Variants in DLGAP2 observed in about 807,000 individuals in gnomAD.
DLGAP2 encodes disks large-associated protein 2.
DLGAP2 carries 26 observed loss-of-function variants against 100.3 expected under a neutral mutation model. The observed-to-expected ratio is 0.26, with a 90% CI of 0.19 to 0.36. DLGAP2 has a LOEUF of 0.36. Ranked by LOEUF, DLGAP2 falls within the 10% of genes least tolerant of loss-of-function variation. The pLI, the probability that DLGAP2 is intolerant of heterozygous loss-of-function variation, is 1.00. For synonymous variants in DLGAP2, 886 were observed against 630.1 expected, an observed-to-expected ratio of 1.41 and a Z score of -6.08; for missense variants, 1,858 against 1,453.2, an observed-to-expected ratio of 1.28 and a Z score of -4.53.
chr8:1,287,501 T>TG (rs1799959490), intron 3 of DLGAP2, among the ~76,000 whole-genome samples: 11,171 of 52,530 alleles, frequency 0.21, 1,768 homozygotes, highest in Admixed American at 0.28. Flanking sequence ...TGTGTGGTTC[T>TG]GTTAGGAGGG....
intron 2 of DLGAP2, among the ~76,000 whole-genome samples, chr8:1,156,400 C>T (rs1004668820): frequency 6.6e-6 from 1 of 152,200 alleles, no homozygotes; most frequent in African/African-American, 2.4e-5. Context: ...CTGGGTCTGG[C>T]CGTGGGCCGT....
intron 3 of DLGAP2, among the ~76,000 whole-genome samples, chr8:1,385,511 G>A (rs111824415): frequency 3.8e-5 from 1 of 26,504 alleles, no homozygotes; most frequent in Non-Finnish European, 6.9e-5. Flanking sequence ...GCCTGTGCCC[G>A]TCCCCTGAGA....
intron 3 of DLGAP2, among the ~76,000 whole-genome samples, chr8:1,323,137 C>T (rs1323908340): frequency 6.6e-6 from 1 of 151,648 alleles, no homozygotes; most frequent in South Asian, 2.1e-4. Context: ...TCAAGCAATT[C>T]TCCTACCTCA....
intron 3 of DLGAP2, among the ~76,000 whole-genome samples, chr8:1,332,111 C>T (rs2117061205): frequency 2.0e-5 from 3 of 152,312 alleles, no homozygotes; most frequent in Admixed American, 2.0e-4. Flanking sequence ...AGCCACCTTC[C>T]TTTGCTGCAG....
At chr8:886,677 G>C (rs751419149) in intron 1 of DLGAP2, among the ~76,000 whole-genome samples, 2 of 152,188 alleles carry the variant, frequency 1.3e-5, no homozygotes, top group Non-Finnish European at 2.9e-5. Context: ...GAGATTGTGT[G>C]GTTTTGAGTG....
intron 1 of DLGAP2, among the ~76,000 whole-genome samples, chr8:896,934 G>A (rs573128834): frequency 3.3e-4 from 50 of 152,298 alleles, no homozygotes; most frequent in African/African-American, 1.1e-3. Flanking sequence ...GAGGAGATGC[G>A]TGTGCTTTGT....
At chr8:1,105,925 C>G (rs115057807) in intron 2 of DLGAP2, among the ~76,000 whole-genome samples, 4,382 of 146,146 alleles carry the variant, frequency 0.03, 244 homozygotes, top group African/African-American at 0.11. Context: ...TGAAGGAGGC[C>G]ATTCTAGGAG....
intron 2 of DLGAP2, among the ~76,000 whole-genome samples, chr8:1,204,768 A>T (rs1037793643): frequency 6.6e-6 from 1 of 152,180 alleles, no homozygotes; most frequent in South Asian, 2.1e-4. Flanking sequence ...AAGAGGGAAG[A>T]AAAAATCTGA....
chr8:1,336,749 A>G (rs1385356925), intron 3 of DLGAP2, among the ~76,000 whole-genome samples: 1 of 152,216 alleles, frequency 6.6e-6, no homozygotes, highest in Non-Finnish European at 1.5e-5. Context: ...TCAGCTTACT[A>G]GTGAAAGCAG....
At position 843,849 on chromosome 8, in the gene DLGAP2, A is replaced by G. The variant is rs922368743; in HGVS notation, c.19-64063A>G. ...GATATCTTTACATTTCTTCACGGGT[A>G]TTAAGTTGTCAATAAGAGTAACTGT... On this transcript the variant is annotated intron_variant, in intron 1 of 14. Transcript: ENST00000637795. 6.6e-5 allele frequency among the ~76,000 whole-genome samples: 10 copies of G among 152,314 alleles called. No individual in the cohort carries two copies. The East Asian group carries it at 1.7e-3, about 26-fold the overall frequency.
At chr8:948,205 C>G (rs761002713) in intron 2 of DLGAP2, among the ~76,000 whole-genome samples, 16 of 152,212 alleles carry the variant, frequency 1.1e-4, no homozygotes, top group Admixed American at 4.6e-4. Context: ...GAGAGAAGAT[C>G]TTTCACTTTG....
intron 2 of DLGAP2, among the ~76,000 whole-genome samples, chr8:1,042,450 C>T (rs138568268): frequency 1.8e-4 from 27 of 152,306 alleles, no homozygotes; most frequent in East Asian, 5.8e-4. Flanking sequence ...ATCTTGTAAA[C>T]GTGAGCCCTC....
intron 6 of DLGAP2, among the ~76,000 whole-genome samples, chr8:1,607,458 A>G (rs1171314248): frequency 6.6e-6 from 1 of 152,242 alleles, no homozygotes; most frequent in Admixed American, 6.5e-5. Flanking sequence ...TTAGCACAAT[A>G]TTGCTATCTT....
At chr8:1,482,730 C>G (rs920793508) in intron 3 of DLGAP2, among the ~76,000 whole-genome samples, 4 of 152,242 alleles carry the variant, frequency 2.6e-5, no homozygotes, top group Middle Eastern at 3.2e-3. Context: ...CCTTCCACAG[C>G]TGTAGCCCTC....
chr8:1,598,771 C>T (rs1796535769), intron 6 of DLGAP2, among the ~76,000 whole-genome samples: 1 of 152,006 alleles, frequency 6.6e-6, no homozygotes, highest in African/African-American at 2.4e-5. Context: ...CTTTAATAGT[C>T]TGGGTAGTGG....
chr8:1,313,362 A>C (rs760274662), intron 3 of DLGAP2, among the ~76,000 whole-genome samples: 1 of 152,110 alleles, frequency 6.6e-6, no homozygotes. Context: ...CTTCTTCACC[A>C]CTGGATTCTG....
At chr8:1,466,151 T>G (rs1043391630) in intron 3 of DLGAP2, among the ~76,000 whole-genome samples, 12 of 152,196 alleles carry the variant, frequency 7.9e-5, no homozygotes, top group Non-Finnish European at 1.6e-4. Context: ...TGAAGTCAAG[T>G]GTGCTCTTGA....
chr8:1,475,901 A>G (rs1349647110), intron 3 of DLGAP2, among the ~76,000 whole-genome samples: 1 of 152,174 alleles, frequency 6.6e-6, no homozygotes, highest in African/African-American at 2.4e-5. Context: ...TCTTAGAAGT[A>G]GCTCTTCTAG....
At chr8:1,367,207 A>T (rs1344351980) in intron 3 of DLGAP2, among the ~76,000 whole-genome samples, 1 of 152,260 alleles carries the variant, frequency 6.6e-6, no homozygotes, top group Non-Finnish European at 1.5e-5. Context: ...TTGAATCAAA[A>T]TGCAAGAATT....
Sources: allele counts gnomAD v4.1 joint callset (sites outside exome capture counted in the v4.1 genomes callset), GRCh38; gene constraint gnomAD v4.1.1; transcripts MANE v1.5; gene names NCBI Gene and HGNC (gene_info 2026-07-23, HGNC 2026-07-21).